The following CDH20 variants were observed in gnomAD, a reference collection of about 807,000 sequenced individuals.
The protein encoded by CDH20 is cadherin-20.
In CDH20, 29 loss-of-function variants were observed where a neutral mutation model predicts 74.2. The ratio of observed to expected loss-of-function variants is 0.39; its 90% CI spans 0.29 to 0.53. CDH20 has a LOEUF of 0.53. CDH20 is among the 20% of genes least tolerant of loss of function. The pLI is 0.69. For synonymous variants in CDH20, 469 were observed against 405.4 expected, an observed-to-expected ratio of 1.16 and a Z score of -1.88; for missense variants, 988 against 1,048.3, an observed-to-expected ratio of 0.94 and a Z score of 0.79.
At chr18:61,489,215 T>C (rs972968663) in intron 1 of CDH20, among the ~76,000 whole-genome samples, 4 of 152,208 alleles carry the variant, frequency 2.6e-5, no homozygotes, top group African/African-American at 7.2e-5. Context: ...CTTTTGTACA[T>C]TTCAATCATG....
intron 10 of CDH20, among the ~76,000 whole-genome samples, chr18:61,548,822 T>C (rs1913338950): frequency 6.6e-6 from 1 of 152,222 alleles, no homozygotes; most frequent in Non-Finnish European, 1.5e-5. Context: ...TCACTATTGC[T>C]CATCAACTAA....
intron 1 of CDH20, among the ~76,000 whole-genome samples, chr18:61,441,724 A>G (rs1432121708): frequency 6.6e-6 from 1 of 152,136 alleles, no homozygotes; most frequent in Non-Finnish European, 1.5e-5. Context: ...TATATTGTTT[A>G]TCCTACAGAA....
At chr18:61,410,274 A>C (rs1442791761) in intron 1 of CDH20, among the ~76,000 whole-genome samples, 1 of 152,228 alleles carries the variant, frequency 6.6e-6, no homozygotes, top group Non-Finnish European at 1.5e-5. Context: ...GCAAAACTTA[A>C]TGACAGTATC....
At chr18:61,524,783 T>C (rs1244242225) in intron 6 of CDH20, among the ~76,000 whole-genome samples, 4 of 152,078 alleles carry the variant, frequency 2.6e-5, no homozygotes, top group African/African-American at 9.7e-5. Flanking sequence ...TAGCCAGGCG[T>C]GGTGGCACAC....
At position 61,490,815 on chromosome 18, in the gene CDH20, T is replaced by C. The variant is rs1240627980; in HGVS notation, c.246+16T>C. On this transcript the variant is annotated intron_variant, in intron 2 of 11. Transcript: ENST00000262717. ...TGTCGGCAAGGTAAGAAATGCCAAG[T>C]AGAAATGACCCGGGTATTGGATATT... 22 of 1,613,162 alleles carry C rather than the reference T, an allele frequency of 1.4e-5. No individual in the cohort carries two copies. Among genetic ancestry groups the C allele is most frequent in the Non-Finnish European group, 1.4e-5 (17 of 1,179,262 alleles).
At chr18:61,358,553 A>G (rs971854681) in intron 1 of CDH20, among the ~76,000 whole-genome samples, 1 of 152,136 alleles carries the variant, frequency 6.6e-6, no homozygotes, top group African/African-American at 2.4e-5. Context: ...TGCTACATAC[A>G]GTGCCTGGAA....
intron 2 of CDH20, among the ~76,000 whole-genome samples, chr18:61,498,622 G>A (rs1911254411): frequency 6.6e-6 from 1 of 152,108 alleles, no homozygotes; most frequent in Non-Finnish European, 1.5e-5. Flanking sequence ...CCTACCGAAT[G>A]AAACTACAGA....
chr18:61,458,022 G>C (rs758908547), intron 1 of CDH20, among the ~76,000 whole-genome samples: 3 of 152,132 alleles, frequency 2.0e-5, no homozygotes, highest in Admixed American at 6.6e-5. Flanking sequence ...AGCATAATGT[G>C]TGTGTTTAAA....
intron 1 of CDH20, among the ~76,000 whole-genome samples, chr18:61,342,643 G>A (rs1434281490): frequency 6.6e-6 from 1 of 152,134 alleles, no homozygotes; most frequent in Non-Finnish European, 1.5e-5. Flanking sequence ...AACACAAAAT[G>A]TCTCCAGACA....
chr18:61,360,935 G>A (rs142463296), intron 1 of CDH20, among the ~76,000 whole-genome samples: 1 of 152,280 alleles, frequency 6.6e-6, no homozygotes, highest in Non-Finnish European at 1.5e-5. Flanking sequence ...TTCTCATACT[G>A]ATGTTAGCAA....
intron 1 of CDH20, among the ~76,000 whole-genome samples, chr18:61,402,052 T>G (rs1275528976): frequency 6.6e-6 from 1 of 152,120 alleles, no homozygotes; most frequent in African/African-American, 2.4e-5. Flanking sequence ...GAACATGAGG[T>G]TCTAGTCACA....
intron 1 of CDH20, among the ~76,000 whole-genome samples, chr18:61,469,827 A>G (rs1004691435): frequency 7.9e-5 from 12 of 152,368 alleles, no homozygotes; most frequent in African/African-American, 2.6e-4. Context: ...ACATACATAC[A>G]CACATGCTTA....
intron 1 of CDH20, among the ~76,000 whole-genome samples, chr18:61,468,112 T>C (rs1405202883): frequency 6.6e-6 from 1 of 152,214 alleles, no homozygotes; most frequent in African/African-American, 2.4e-5. Context: ...CTGGAGAATG[T>C]GATTCTGTAC....
chr18:61,480,651 G>A (rs1471035616), intron 1 of CDH20, among the ~76,000 whole-genome samples: 2 of 152,160 alleles, frequency 1.3e-5, no homozygotes, highest in African/African-American at 2.4e-5. Flanking sequence ...GTTGCCCTAC[G>A]CAATTCTCAG....
intron 1 of CDH20, among the ~76,000 whole-genome samples, chr18:61,425,941 G>A (rs566054421): frequency 2.6e-5 from 4 of 152,178 alleles, no homozygotes; most frequent in African/African-American, 7.2e-5. Context: ...TTGTTAAGAC[G>A]GCAACACTCC....
At chr18:61,518,955 A>C (rs1016511743) in intron 6 of CDH20, among the ~76,000 whole-genome samples, 1 of 151,432 alleles carries the variant, frequency 6.6e-6, no homozygotes, top group Non-Finnish European at 1.5e-5. Context: ...AAAACACAGC[A>C]TGAGAACTTC....
At chr18:61,359,061 A>T (rs1910597744) in intron 1 of CDH20, among the ~76,000 whole-genome samples, 1 of 152,198 alleles carries the variant, frequency 6.6e-6, no homozygotes, top group Non-Finnish European at 1.5e-5. Flanking sequence ...TGAAATAAAT[A>T]ATTAAGACAT....
intron 6 of CDH20, among the ~76,000 whole-genome samples, chr18:61,524,724 C>A (rs944340063): frequency 2.6e-5 from 4 of 152,164 alleles, no homozygotes; most frequent in African/African-American, 7.2e-5. Flanking sequence ...AGTTCAAGAC[C>A]AGCCTGGCCC....
chr18:61,453,292 T>C lies in CDH20; in HGVS notation c.-152-37110T>C, dbSNP rs1909458768. ...ATCTTTTCTGTTTTTTTGTTTGTTT[T>C]TTTGAGACGGAGTCCTGCTCTGTCA... is the stretch of plus-strand genomic sequence containing the variant. On this transcript the variant is annotated intron_variant, in intron 1 of 11. Transcript: ENST00000262717. Among the ~76,000 whole-genome samples the C allele has an allele frequency of 3.9e-5, 6 of 152,330 alleles. No individual in the cohort carries two copies. In the South Asian group the frequency reaches 1.0e-3, roughly 26 times the overall value.
Sources: gnomAD v4.1 joint callset for allele counts (sites outside exome capture counted in the v4.1 genomes callset) on GRCh38, gnomAD v4.1.1 for gene constraint, MANE v1.5 for transcripts, NCBI Gene and HGNC (gene_info 2026-07-23, HGNC 2026-07-21) for gene names.